Variants in ITGA2B observed in about 807,000 individuals in gnomAD.
ITGA2B encodes integrin subunit alpha 2b, also known as integrin alpha-IIb.
In ITGA2B, 91 loss-of-function variants were observed where a neutral mutation model predicts 142.0. The ratio of observed to expected loss-of-function variants is 0.64; its 90% CI spans 0.54 to 0.76. The LOEUF (loss-of-function observed/expected upper bound fraction) is 0.76, where lower values mean the gene tolerates loss of function less well. ITGA2B is among the 30% of genes least tolerant of loss of function. The pLI is 0.00. For missense variants in ITGA2B, 1,231 were observed against 1,350.8 expected (o/e 0.91, Z 1.39); for synonymous variants, 536 against 567.2 (o/e 0.94, Z 0.78).
At position 44,372,297 on chromosome 17, in the gene ITGA2B, T is replaced by C; in HGVS notation, c.*67A>G. ...CTCCAACCCAAAGCTTGGAGGCAAC[T>C]TGTTGGAGAAGGGGCGGTGCAGGTA... On this transcript the variant is annotated 3_prime_UTR_variant, in exon 30 of 30. Coordinates refer to ENST00000262407, the MANE Select transcript of ITGA2B (RefSeq NM_000419.5). 2 of 1,547,402 alleles carry C rather than the reference T, an allele frequency of 1.3e-6. No homozygotes were observed. The highest frequency in any genetic ancestry group is 1.8e-6 in the Non-Finnish European group (2 of 1,119,922).
chr17:44,380,108 C>T lies in ITGA2B; in HGVS notation c.1646G>A (p.Gly549Asp). Residue 549 changes from glycine (G) to aspartate (D), a missense_variant, in exon 17 of 30, where the codon GGC becomes GAC. Gly to Asp is a moderately conservative substitution (Grantham distance 94). This residue lies in a region of ITGA2B where 908 missense variants were observed against 1,021.1 expected (regional missense o/e 0.89). Coordinates refer to ENST00000262407, the MANE Select transcript of ITGA2B (RefSeq NM_000419.5). ...AGAGCCCAGCAGCAGCACCCGCCGG[C>T]CCTGGCGGGGCTTCTGCCGGTCCAG... ...LQLDRQKPRQ[G>D]RRVLLLGSQQ... 1 of 1,613,974 alleles carries T rather than the reference C, an allele frequency of 6.2e-7. No individual in the cohort carries two copies. The highest frequency in any genetic ancestry group is 8.5e-7 in the Non-Finnish European group (1 of 1,180,000).
chr17:44,380,941 G>A lies in ITGA2B; in HGVS notation c.1331C>T (p.Thr444Ile), dbSNP rs773921085. Residue 444 changes from threonine to isoleucine, a missense_variant, in exon 13 of 30, where the codon ACA becomes ATA. By Grantham distance (89) the Thr-to-Ile change is moderately conservative. Transcript: ENST00000262407. ...PSQVLDSPFP[T>I]GSAFGFSLRG... is the part of the protein sequence containing the mutation. ...AAGGGAGAAGCCAAAGGCAGAGCCT[G>A]TGGGGAAGGGGCTGTCCAGGACCTG... 8.1e-6 allele frequency: 13 copies of A among 1,614,150 alleles called. No homozygotes were observed. The highest frequency in any genetic ancestry group is 1.7e-5 in the Admixed American group (1 of 60,012).
chr17:44,386,073 C>T lies in ITGA2B; in HGVS notation c.247G>A (p.Gly83Ser). 1 of 1,611,490 alleles carries T rather than the reference C, an allele frequency of 6.2e-7. No individual in the cohort carries two copies. Among genetic ancestry groups the T allele is most frequent in the South Asian group, 1.1e-5 (1 of 90,964 alleles). The stretch of plus-strand genomic sequence containing the variant: ...GCCCTCCAGGGGCACAGGAACACGC[C>T]GCCCGTCTCCTCCTGGCTGGGGCCC... ...TLGPSQEETG[G>S]VFLCPWRAEG... Residue 83 changes from glycine (G) to serine (S), a missense_variant, in exon 2 of 30, where the codon GGC becomes AGC. Around this residue, in one of 3 missense-constraint regions of ITGA2B, gnomAD observed 318 missense variants for 312.2 expected, o/e 1.02. Transcript: ENST00000262407.
rs2048505614 is a variant in ITGA2B at position 44,372,434 on chromosome 17, A to G, written c.3061-11T>C. The G allele has an allele frequency of 6.2e-7, 1 of 1,613,820 alleles. No individual in the cohort carries two copies. Among genetic ancestry groups the G allele is most frequent in the South Asian group, 1.1e-5 (1 of 91,050 alleles). ...CTTGAAGAAGCCGACCTGGGGGTACACGGGGGCCAAGGTCAGGGTATACAG... is the reference window on the plus strand; with the variant it reads ...CTTGAAGAAGCCGACCTGGGGGTACGCGGGGGCCAAGGTCAGGGTATACAG... On this transcript the variant is annotated splice_polypyrimidine_tract_variant and intron_variant, in intron 29 of 29. Coordinates refer to ENST00000262407, the MANE Select transcript of ITGA2B (RefSeq NM_000419.5).
chr17:44,385,774 A>G, intron 3 of ITGA2B, 50 bp downstream of exon 3: 1 of 1,612,194 alleles, frequency 6.2e-7, no homozygotes, highest in Non-Finnish European at 8.5e-7. Context: ...TCCTGGCCCC[A>G]GGTGTCCCTG....
chr17:44,374,784 C>G (rs780435633), intron 27 of ITGA2B, 24 bp from the exon 28 acceptor site: 1 of 1,590,278 alleles, frequency 6.3e-7, no homozygotes, highest in Non-Finnish European at 8.6e-7. Flanking sequence ...GGTTGAAAGC[C>G]GTTTACACCC....
rs1460159056 is a variant in ITGA2B at position 44,378,713 on chromosome 17, A to G, written c.1879-3T>C. The G allele has an allele frequency of 6.4e-7, 1 of 1,555,018 alleles. No individual in the cohort carries two copies. Among genetic ancestry groups the G allele is most frequent in the Non-Finnish European group, 8.7e-7 (1 of 1,148,572 alleles). ...CCACAGTCCAGGACGATTCGTGTCT[A>G]GAGGGGCACATTGGGGTGTGCGGGT... On this transcript the variant is annotated splice_polypyrimidine_tract_variant and splice_region_variant and intron_variant, in intron 18 of 29. Transcript: ENST00000262407.
chr17:44,375,094 G>T lies in ITGA2B; in HGVS notation c.2745C>A (p.Pro915=). The T allele has an allele frequency of 6.5e-7, 1 of 1,549,136 alleles. No homozygotes were observed. Among genetic ancestry groups the T allele is most frequent in the Non-Finnish European group, 8.7e-7 (1 of 1,146,936 alleles). Residue 915 remains proline (P), a synonymous_variant, in exon 27 of 30, where the codon CCC becomes CCA. Coordinates refer to ENST00000262407, the MANE Select transcript of ITGA2B (RefSeq NM_000419.5). ...GCAGGTCACACTGCACCACAGTACA[G>T]GGCGCCGAGTCGCAGCTCTGAGGGG... ...DPVLVSCDSA[P]CTVVQCDLQE...
In ITGA2B at chr17:44,381,073, A is replaced by C. The variant is rs1431005591; in HGVS notation, c.1211-12T>G. 5 of 1,612,252 alleles carry C rather than the reference A, an allele frequency of 3.1e-6. No individual in the cohort carries two copies. The highest frequency in any genetic ancestry group is 3.3e-5 in the Admixed American group (2 of 59,798). On this transcript the variant is annotated splice_polypyrimidine_tract_variant and intron_variant, in intron 12 of 29. Transcript: ENST00000262407. ...AGCCACTGCAATGTCTGGAAGGAGT[A>C]ACAGAAAGGAAGTGGCTGATTGTTA...
In ITGA2B at chr17:44,377,560, C is replaced by T. The variant is rs2048555970; in HGVS notation, c.2187+138G>A. 1.3e-5 allele frequency: 9 copies of T among 698,114 alleles called. No homozygotes were observed. The Admixed American group carries it at 1.4e-4, about 11-fold the overall frequency. 43.2% of individuals were successfully genotyped at this position (698,114 alleles called of 1,614,324 possible). On this transcript the variant is annotated intron_variant, in intron 21 of 29. Transcript: ENST00000262407. ...AGGGGCTCAGAGAGGGAAAGTCACT[C>T]ACCCAAGGACATGTGGCAAGGGAGT...
At position 44,380,084 on chromosome 17, in the gene ITGA2B, G is replaced by T. The variant is rs746757826; in HGVS notation, c.1670C>A (p.Ser557Tyr). ...GTTCAGGGTGGTGCCTGCCTGTTGA[G>T]AGCCCAGCAGCAGCACCCGCCGGCC... is the stretch of plus-strand genomic sequence containing the variant. ...RQGRRVLLLG[S>Y]QQAGTTLNLD... The change falls in exon 17 of 30, where the codon TCT becomes TAT. Residue 557 changes from serine to tyrosine, a missense_variant. Around this residue, in one of 3 missense-constraint regions of ITGA2B, gnomAD observed 908 missense variants for 1,021.1 expected, o/e 0.89. Coordinates refer to ENST00000262407, the MANE Select transcript of ITGA2B (RefSeq NM_000419.5). 6.2e-7 allele frequency: 1 copy of T among 1,614,044 alleles called. No individual in the cohort carries two copies. The highest frequency in any genetic ancestry group is 1.1e-5 in the South Asian group (1 of 91,080).
chr17:44,375,135 C>T, intron 26 of ITGA2B, 24 bp from the exon 27 acceptor site: 4 of 1,535,342 alleles, frequency 2.6e-6, no homozygotes, highest in Non-Finnish European at 3.5e-6. Flanking sequence ...TCGTCAGTCC[C>T]CAGCCCGTCC....
chr17:44,388,481 C>T (rs1182777281), intron 1 of ITGA2B, among the ~76,000 whole-genome samples: 1 of 150,940 alleles, frequency 6.6e-6, no homozygotes, highest in Admixed American at 6.6e-5. Context: ...CTCAGCCTCC[C>T]GAGTAGCTGG....
At position 44,386,071 on chromosome 17, in the gene ITGA2B, G is replaced by A; in HGVS notation, c.249C>T (p.Gly83=). 1 of 1,611,604 alleles carries A rather than the reference G, an allele frequency of 6.2e-7. No individual in the cohort carries two copies. The highest frequency in any genetic ancestry group is 8.5e-7 in the Non-Finnish European group (1 of 1,179,762). Reference sequence around the variant, plus strand: ...CGGCCCTCCAGGGGCACAGGAACACGCCGCCCGTCTCCTCCTGGCTGGGGC... The same window carrying A: ...CGGCCCTCCAGGGGCACAGGAACACACCGCCCGTCTCCTCCTGGCTGGGGC... ...TLGPSQEETG[G]VFLCPWRAEG... is the part of the protein sequence containing the mutation. Residue 83 remains glycine (G), a synonymous_variant, in exon 2 of 30, where the codon GGC becomes GGT. Coordinates refer to ENST00000262407, the MANE Select transcript of ITGA2B (RefSeq NM_000419.5).
At position 44,372,218 on chromosome 17, in the gene ITGA2B, G is replaced by T; in HGVS notation, c.*146C>A. On this transcript the variant is annotated 3_prime_UTR_variant, in exon 30 of 30. Transcript: ENST00000262407. Reference sequence around the variant, plus strand: ...CTCTTTATTAGGCAGCAGGAGGGGGGGTAGCCCAGCTCTGTTGGGAGGGAA... The same window carrying T: ...CTCTTTATTAGGCAGCAGGAGGGGGTGTAGCCCAGCTCTGTTGGGAGGGAA... 2.6e-6 allele frequency: 2 copies of T among 758,810 alleles called. No individual in the cohort carries two copies. Among genetic ancestry groups the T allele is most frequent in the South Asian group, 1.5e-5 (1 of 67,526 alleles). 47.0% of individuals were successfully genotyped at this position (758,810 alleles called of 1,614,324 possible). A position where few individuals can be genotyped will look rare whatever the true frequency, so the allele number is the denominator to read the frequency against.
chr17:44,378,865 G>C (rs1418843403), intron 18 of ITGA2B, among the ~76,000 whole-genome samples, 155 bp from the exon 19 acceptor site: 1 of 152,138 alleles, frequency 6.6e-6, no homozygotes, highest in Non-Finnish European at 1.5e-5. Flanking sequence ...TGGTATCGGG[G>C]CTCGGGTTTA....
chr17:44,372,363 A>G lies in ITGA2B; in HGVS notation c.*1T>C. On this transcript the variant is annotated 3_prime_UTR_variant, in exon 30 of 30. Coordinates refer to ENST00000262407, the MANE Select transcript of ITGA2B (RefSeq NM_000419.5). ...CTGCTAGAATAGTGTAGGCTGCACCATCACTCCCCCTCTTCATCATCTTCT... is the reference window on the plus strand; with the variant it reads ...CTGCTAGAATAGTGTAGGCTGCACCGTCACTCCCCCTCTTCATCATCTTCT... 1 of 1,613,970 alleles carries G rather than the reference A, an allele frequency of 6.2e-7. No homozygotes were observed. Among genetic ancestry groups the G allele is most frequent in the Non-Finnish European group, 8.5e-7 (1 of 1,179,960 alleles).
intron 29 of ITGA2B, among the ~76,000 whole-genome samples, chr17:44,372,671 C>G (rs1268493133): frequency 6.6e-6 from 1 of 152,168 alleles, no homozygotes; most frequent in Admixed American, 6.6e-5. Flanking sequence ...CTCTGTCACC[C>G]AGGCTGTAGT....
At position 44,386,226 on chromosome 17, in the gene ITGA2B, A is replaced by ATG. The variant is rs1567906250; in HGVS notation, c.189-97_189-96dup. On this transcript the variant is annotated intron_variant, in intron 1 of 29. Coordinates refer to ENST00000262407, the MANE Select transcript of ITGA2B (RefSeq NM_000419.5). ...AGCACTGCCCGGAAGGCCATGTGGC[A>ATG]TGGGGGCACTGGACCATCTTTCCTC... is the stretch of plus-strand genomic sequence containing the variant. The ATG allele has an allele frequency of 6.6e-6, 10 of 1,521,360 alleles. No individual in the cohort carries two copies. In the African/African-American group the frequency reaches 1.4e-4, roughly 21 times the overall value. 94.2% of individuals were successfully genotyped at this position (1,521,360 alleles called of 1,614,324 possible). A position where few individuals can be genotyped will look rare whatever the true frequency, so the allele number is the denominator to read the frequency against.
Sources: allele counts gnomAD v4.1 joint callset (sites outside exome capture counted in the v4.1 genomes callset), GRCh38; gene constraint gnomAD v4.1.1; regional missense constraint gnomAD v4.1.1; transcripts MANE v1.5; gene names NCBI Gene and HGNC (gene_info 2026-07-23, HGNC 2026-07-21).